The following MYO6 variants were observed in gnomAD, a reference collection of about 807,000 sequenced individuals.
MYO6 encodes myosin VI.
MYO6 carries 74 observed loss-of-function variants against 178.7 expected under a neutral mutation model. The ratio of observed to expected loss-of-function variants is 0.41; its 90% CI spans 0.34 to 0.50. The LOEUF (loss-of-function observed/expected upper bound fraction) is 0.50. MYO6 is among the 20% of genes least tolerant of loss of function. The pLI, the probability that MYO6 is intolerant of heterozygous loss-of-function variation, is 0.09. For synonymous variants in MYO6, 477 were observed against 504.6 expected (o/e 0.95, Z 0.73); for missense variants, 1,330 against 1,547.4 (o/e 0.86, Z 2.36).
chr6:75,834,521 C>G (rs913691701), intron 6 of MYO6, among the ~76,000 whole-genome samples: 1 of 152,134 alleles, frequency 6.6e-6, no homozygotes, highest in East Asian at 1.9e-4. Flanking sequence ...GCATGAGCCA[C>G]CATGCCTGGC....
chr6:75,771,141 A>G (rs2150021790), intron 1 of MYO6, among the ~76,000 whole-genome samples: 1 of 151,986 alleles, frequency 6.6e-6, no homozygotes, highest in Non-Finnish European at 1.5e-5. Flanking sequence ...AGCTGGGACT[A>G]GAGGCTCATG....
chr6:75,869,104 A>T (rs2149318040), intron 18 of MYO6, among the ~76,000 whole-genome samples: 1 of 105,350 alleles, frequency 9.5e-6, no homozygotes, highest in African/African-American at 3.9e-5. Flanking sequence ...TTTGGAGAAT[A>T]CTGTGCTTAG....
intron 32 of MYO6, among the ~76,000 whole-genome samples, chr6:75,909,324 A>G (rs575675596): frequency 6.6e-6 from 1 of 152,364 alleles, no homozygotes; most frequent in South Asian, 2.1e-4. Flanking sequence ...ATAGCCTGGA[A>G]AAAGAAAGGA....
intron 23 of MYO6, among the ~76,000 whole-genome samples, chr6:75,882,626 A>G (rs1583353141): frequency 1.3e-5 from 2 of 152,296 alleles, no homozygotes; most frequent in Admixed American, 6.5e-5. Context: ...ATAAAAAAAG[A>G]TATTTATTTA....
At chr6:75,781,056 G>A (rs1279576031) in intron 1 of MYO6, among the ~76,000 whole-genome samples, 4 of 151,904 alleles carry the variant, frequency 2.6e-5, no homozygotes, top group South Asian at 2.1e-4. Flanking sequence ...CAAGTGATCC[G>A]CCCACCTCAG....
intron 29 of MYO6, among the ~76,000 whole-genome samples, chr6:75,897,877 A>G (rs1247044226): frequency 6.6e-6 from 1 of 152,230 alleles, no homozygotes; most frequent in Non-Finnish European, 1.5e-5. Context: ...TCTTAAAAGC[A>G]TGCTTTGATT....
At chr6:75,873,172 A>G (rs753735408) in intron 19 of MYO6, 35 bp from the exon 20 acceptor site, 1 of 1,500,496 alleles carries the variant, frequency 6.7e-7, no homozygotes, top group Admixed American at 1.7e-5. Flanking sequence ...AGAATGCTAT[A>G]TGTATTGTAA....
intron 1 of MYO6, among the ~76,000 whole-genome samples, chr6:75,768,809 T>A (rs780966550): frequency 1.3e-5 from 2 of 152,122 alleles, no homozygotes; most frequent in African/African-American, 2.4e-5. Context: ...ATTAGTCTGG[T>A]TTTTGTGTTG....
chr6:75,906,515 A>C (rs1368725272), intron 30 of MYO6, among the ~76,000 whole-genome samples: 1 of 151,962 alleles, frequency 6.6e-6, no homozygotes, highest in Admixed American at 6.6e-5. Flanking sequence ...ATCTCTACAA[A>C]AATTATAAAA....
At chr6:75,798,997 C>T (rs568423915) in intron 1 of MYO6, among the ~76,000 whole-genome samples, 8 of 152,134 alleles carry the variant, frequency 5.3e-5, no homozygotes, top group East Asian at 3.8e-4. Flanking sequence ...AACACAATCC[C>T]GTTTACAACA....
At chr6:75,784,776 C>CAAAAAAAAA (rs754218278) in intron 1 of MYO6, among the ~76,000 whole-genome samples, 2 of 54,402 alleles carry the variant, frequency 3.7e-5, no homozygotes, top group African/African-American at 6.4e-5. Context: ...GACTCCGTCT[C>CAAAAAAAAA]AAAAAAAAAA....
rs1157313063 is a variant in MYO6, at chr6:75,898,409, T to G, written c.3174T>G (p.Ser1058Arg). The change falls in exon 30 of 35, where the codon AGT (serine) becomes AGG (arginine). Residue 1058 changes from serine to arginine, a missense_variant and splice_region_variant. Ser to Arg is a moderately radical substitution (Grantham distance 110). Around this residue, in one of 3 missense-constraint regions of MYO6, gnomAD observed 601 missense variants for 626.1 expected, o/e 0.96. Coordinates refer to ENST00000369977, the MANE Select transcript of MYO6 (RefSeq NM_004999.4). Reference protein sequence around the residue: ...QMAKEMSEFLSRGPAVLATKA... With the variant: ...QMAKEMSEFLRRGPAVLATKA... ...CCAAAGAAATGTCAGAATTTTTGAG[T>G]AGGTTAGTGCAGTGTAATTGGGGGA... 1.2e-6 allele frequency: 2 copies of G among 1,609,120 alleles called. No individual in the cohort carries two copies. The highest frequency in any genetic ancestry group is 3.3e-5 in the Admixed American group (2 of 59,996).
Position 75,840,619 on chromosome 6 carries a change from G to C in MYO6, c.588G>C (p.Lys196Asn). 1.9e-6 allele frequency: 3 copies of C among 1,613,980 alleles called. No individual in the cohort carries two copies. Among genetic ancestry groups the C allele is most frequent in the Non-Finnish European group, 2.5e-6 (3 of 1,179,916 alleles). ...NPLLEAFGNAKTVRNNNSSRF... is the reference protein window; with the variant it reads ...NPLLEAFGNANTVRNNNSSRF... ...TCCTAGAAGCCTTTGGAAATGCGAA[G>C]ACTGTTCGCAACAATAATAGCAGTC... is the stretch of plus-strand genomic sequence containing the variant. Residue 196 changes from lysine to asparagine, a missense_variant, in exon 8 of 35, where the codon AAG (lysine) becomes AAC (asparagine). Physicochemically the swap from Lys to Asn is moderately conservative, Grantham distance 94 (BLOSUM62 0). Around this residue, in one of 3 missense-constraint regions of MYO6, gnomAD observed 613 missense variants for 816.8 expected, o/e 0.75. Transcript: ENST00000369977.
chr6:75,787,896 A>G (rs1767831852), intron 1 of MYO6, among the ~76,000 whole-genome samples: 1 of 149,780 alleles, frequency 6.7e-6, no homozygotes, highest in African/African-American at 2.5e-5. Flanking sequence ...AGTAGCTGGG[A>G]CTACAGGTAT....
At chr6:75,870,797 T>G in intron 19 of MYO6, 112 bp downstream of exon 19, 1 of 796,734 alleles carries the variant, frequency 1.3e-6, no homozygotes, top group East Asian at 2.8e-5. Flanking sequence ...ATTTTAAACT[T>G]TATTCTCTTA....
intron 20 of MYO6, 122 bp downstream of exon 20, chr6:75,873,422 A>G: frequency 1.2e-6 from 1 of 854,384 alleles, no homozygotes; most frequent in Non-Finnish European, 1.9e-6. Context: ...TAAAATTTTC[A>G]TCTTATATTT....
chr6:75,757,150 T>G (rs1422584635), intron 1 of MYO6, among the ~76,000 whole-genome samples: 3 of 147,664 alleles, frequency 2.0e-5, no homozygotes, highest in African/African-American at 7.4e-5. Flanking sequence ...CTTATGTGTG[T>G]TGTGTGTGTG....
intron 9 of MYO6, among the ~76,000 whole-genome samples, chr6:75,843,562 G>A (rs1774445804): frequency 6.6e-6 from 1 of 152,162 alleles, no homozygotes; most frequent in African/African-American, 2.4e-5. Context: ...CTGTCCAGAA[G>A]CAAAGTATTT....
At chr6:75,881,668 C>T (rs774401851) in intron 22 of MYO6, 21 bp from the exon 23 acceptor site, 2 of 1,608,214 alleles carry the variant, frequency 1.2e-6, no homozygotes, top group South Asian at 1.1e-5. Flanking sequence ...AATACTGATA[C>T]TAAATTATTT....
Sources: gnomAD v4.1 joint callset for allele counts (sites outside exome capture counted in the v4.1 genomes callset) on GRCh38, gnomAD v4.1.1 for gene constraint, gnomAD v4.1.1 regional missense constraint, MANE v1.5 for transcripts, NCBI Gene and HGNC (gene_info 2026-07-23, HGNC 2026-07-21) for gene names.